SCN11A: variants seen among roughly 807,000 people sequenced by gnomAD.
SCN11A encodes sodium voltage-gated channel alpha subunit 11, also known as sodium channel protein type 11 subunit alpha.
SCN11A carries 122 observed loss-of-function variants against 162.2 expected under a neutral mutation model. The ratio of observed to expected loss-of-function variants is 0.75; its 90% confidence interval spans 0.65 to 0.87. The LOEUF is 0.87. SCN11A is among the 40% of genes least tolerant of loss of function. The probability of loss-of-function intolerance (pLI) is 0.00; values close to 1 mark genes in which losing one functional copy is unlikely to be tolerated. For synonymous variants in SCN11A, 758 were observed against 751.5 expected (o/e 1.01, Z -0.14); for missense variants, 2,015 against 2,181.6 (o/e 0.92, Z 1.52).
At chr3:38,924,228 CTT>C (rs879727620) in intron 9 of SCN11A, among the ~76,000 whole-genome samples, 1 of 145,564 alleles carries the variant, frequency 6.9e-6, no homozygotes, top group Admixed American at 6.9e-5. Flanking sequence ...CCCTTCAGTC[CTT>C]TTTTTTTTTT....
intron 28 of SCN11A, among the ~76,000 whole-genome samples, chr3:38,861,293 A>T (rs2064959691): frequency 6.6e-6 from 1 of 152,222 alleles, no homozygotes; most frequent in Non-Finnish European, 1.5e-5. Flanking sequence ...GGTAGAATTA[A>T]CATTGTGAAA....
intron 28 of SCN11A, 143 bp downstream of exon 28, chr3:38,863,052 A>G (rs940779453): frequency 1.7e-6 from 1 of 587,168 alleles, no homozygotes; most frequent in Non-Finnish European, 3.0e-6. Context: ...TAATTTTCCT[A>G]AGTGTTTGAA....
chr3:38,871,992 T>C (rs1284384906), intron 24 of SCN11A, among the ~76,000 whole-genome samples: 1 of 152,166 alleles, frequency 6.6e-6, no homozygotes, highest in Non-Finnish European at 1.5e-5. Flanking sequence ...CTACAGCTCA[T>C]CTTGGCTGTC....
intron 17 of SCN11A, among the ~76,000 whole-genome samples, chr3:38,898,978 T>C (rs2065651370): frequency 6.6e-6 from 1 of 152,114 alleles, no homozygotes; most frequent in Non-Finnish European, 1.5e-5. Context: ...AAAACATTAG[T>C]AGGAAAGCTT....
At chr3:39,018,734 C>T (rs1006081553) in intron 2 of SCN11A, among the ~76,000 whole-genome samples, 11 of 152,066 alleles carry the variant, frequency 7.2e-5, no homozygotes, top group African/African-American at 1.9e-4. Flanking sequence ...AGGAGAACGG[C>T]GTGAACCCGG....
chr3:38,876,837 A>G (rs1304732530), intron 23 of SCN11A, among the ~76,000 whole-genome samples: 2 of 151,982 alleles, frequency 1.3e-5, no homozygotes, highest in Admixed American at 1.3e-4. Context: ...TTGATCCAGC[A>G]ATCCCACTAA....
At chr3:38,987,127 G>GT (rs1174150077) in intron 2 of SCN11A, among the ~76,000 whole-genome samples, 2 of 152,094 alleles carry the variant, frequency 1.3e-5, no homozygotes, top group African/African-American at 4.8e-5. Flanking sequence ...CAGAAGCTGA[G>GT]TATCTTTGGA....
chr3:38,892,544 C>T (rs1011780765), intron 19 of SCN11A, among the ~76,000 whole-genome samples: 19 of 151,926 alleles, frequency 1.3e-4, no homozygotes, highest in Non-Finnish European at 2.5e-4. Context: ...GTCACAGGAA[C>T]AAATGAAGAC....
chr3:39,018,903 G>A (rs958317579), intron 2 of SCN11A, among the ~76,000 whole-genome samples: 1 of 152,166 alleles, frequency 6.6e-6, no homozygotes, highest in Non-Finnish European at 1.5e-5. Flanking sequence ...ATGGCAGTGG[G>A]GGAGATCTGA....
At chr3:38,882,638 T>C (rs112808914) in intron 22 of SCN11A, among the ~76,000 whole-genome samples, 93 of 152,082 alleles carry the variant, frequency 6.1e-4, no homozygotes, top group Admixed American at 1.3e-3. Flanking sequence ...AGAGAGAGCA[T>C]AAAGGAGTGG....
intron 16 of SCN11A, among the ~76,000 whole-genome samples, chr3:38,902,874 CA>C (rs145201334): frequency 0.19 from 25,462 of 131,662 alleles, 2,243 homozygotes; most frequent in Middle Eastern, 0.28. Context: ...AAAGACATCA[CA>C]AAAAAAAAAA....
At chr3:38,868,702 AG>A (rs928707682) in intron 26 of SCN11A, among the ~76,000 whole-genome samples, 15 of 152,312 alleles carry the variant, frequency 9.8e-5, no homozygotes, top group Admixed American at 2.6e-4. Context: ...GGGTCTGGAA[AG>A]GGGGGTTGGA....
rs1236149074 is a variant in SCN11A, at chr3:38,910,069, T to C, written c.1098A>G (p.Gln366=). The change falls in exon 12 of 30, where the codon CAA becomes CAG. Residue 366 remains glutamine, a synonymous_variant. Transcript: ENST00000302328. ...AGAGAGACTATAAATAGATAACCTGTTGATAAAGCTTCTCCCAGGAATCTT... is the reference window on the plus strand; with the variant it reads ...AGAGAGACTATAAATAGATAACCTGCTGATAAAGCTTCTCCCAGGAATCTT... ...MTQDSWEKLY[Q]QTLRTTGLYS... The C allele has an allele frequency of 6.2e-7, 1 of 1,613,720 alleles. No homozygotes were observed. The highest frequency in any genetic ancestry group is 1.1e-5 in the South Asian group (1 of 91,036).
chr3:38,876,467 G>A (rs1343828850), intron 23 of SCN11A, among the ~76,000 whole-genome samples: 3 of 152,012 alleles, frequency 2.0e-5, no homozygotes, highest in Admixed American at 6.6e-5. Context: ...ATCTGACTAA[G>A]GACTAATATC....
intron 28 of SCN11A, among the ~76,000 whole-genome samples, chr3:38,851,914 T>C (rs1248750909): frequency 1.3e-5 from 2 of 152,088 alleles, no homozygotes; most frequent in Non-Finnish European, 1.5e-5. Flanking sequence ...TTTGAGAAAG[T>C]TAAGACTGAG....
chr3:38,871,800 T>C, intron 24 of SCN11A, 92 bp from the exon 25 acceptor site: 1 of 1,068,082 alleles, frequency 9.4e-7, no homozygotes, highest in Non-Finnish European at 1.4e-6. Context: ...GTGCAGGGCT[T>C]GATCTCTTGG....
chr3:38,995,193 C>T (rs185105360), intron 2 of SCN11A, among the ~76,000 whole-genome samples: 223 of 151,358 alleles, frequency 1.5e-3, no homozygotes, highest in African/African-American at 4.9e-3. Context: ...TGCAGTGGCG[C>T]GATCTCGGCT....
At chr3:39,035,665 A>G (rs1378847011) in intron 1 of SCN11A, among the ~76,000 whole-genome samples, 1 of 151,320 alleles carries the variant, frequency 6.6e-6, no homozygotes, top group Non-Finnish European at 1.5e-5. Flanking sequence ...TTTTAGATGG[A>G]GTCTCGCTCT....
chr3:38,873,869 ATTC>A (rs1395974971), intron 23 of SCN11A, among the ~76,000 whole-genome samples: 23 of 152,208 alleles, frequency 1.5e-4, no homozygotes, highest in Admixed American at 5.2e-4. Context: ...TGTTGATTAT[ATTC>A]TTATGGTTTG....
Sources: gnomAD v4.1 joint callset for allele counts (sites outside exome capture counted in the v4.1 genomes callset) on GRCh38, gnomAD v4.1.1 for gene constraint, MANE v1.5 for transcripts, NCBI Gene and HGNC (gene_info 2026-07-23, HGNC 2026-07-21) for gene names.